The following ADGRB1 variants were observed in gnomAD, a reference collection of about 807,000 sequenced individuals.
ADGRB1 encodes brain-specific angiogenesis inhibitor 1.
ADGRB1 carries 36 observed loss-of-function variants against 175.7 expected under a neutral mutation model. That is an observed-to-expected ratio of 0.20 (90% CI 0.16 to 0.27). The LOEUF is 0.27. ADGRB1 is among the 10% of genes least tolerant of loss of function. The pLI is 1.00. For missense variants in ADGRB1, 1,731 were observed against 2,255.3 expected (o/e 0.77, Z 4.71); for synonymous variants, 1,054 against 979.4 (o/e 1.08, Z -1.42).
rs557619834 is a variant in ADGRB1, at chr8:142,505,102, A to G, written c.2676-5830A>G. Among the ~76,000 whole-genome samples the G allele has an allele frequency of 2.4e-4, 37 of 152,244 alleles. No individual in the cohort carries two copies. In the East Asian group the frequency reaches 6.8e-3, roughly 28 times the overall value. ...GGGCTCTTAGAGCGCCCTCCCCGTC[A>G]CTGTCCCCTTGTGTCCCATGAATGA... On this transcript the variant is annotated intron_variant, in intron 17 of 30. Transcript: ENST00000517894.
chr8:142,454,466 C>T (rs941863110), intron 1 of ADGRB1, among the ~76,000 whole-genome samples: 3 of 152,196 alleles, frequency 2.0e-5, no homozygotes, highest in African/African-American at 2.4e-5. Flanking sequence ...ACCCCCGCCC[C>T]GCGATGTGTG....
At position 142,537,957 on chromosome 8, in the gene ADGRB1, A is replaced by G. The variant is rs1323150202; in HGVS notation, c.3666+875A>G. Among the ~76,000 whole-genome samples, 2 of 152,012 alleles carry G rather than the reference A, an allele frequency of 1.3e-5. No homozygotes were observed. The highest frequency in any genetic ancestry group is 4.8e-5 in the African/African-American group (2 of 41,374). ...CACTAGACCTCCTGCTTCTGCACCCAGAGGCTAGCACACAGGGTGGAGCCA... is the reference window on the plus strand; with the variant it reads ...CACTAGACCTCCTGCTTCTGCACCCGGAGGCTAGCACACAGGGTGGAGCCA... On this transcript the variant is annotated intron_variant, in intron 26 of 30. Coordinates refer to ENST00000517894, the MANE Select transcript of ADGRB1 (RefSeq NM_001702.3). This position sits in a 1 kb window ranked among gnomAD's most constrained non-coding sequence, Gnocchi z 4.6.
At chr8:142,467,847 A>G (rs1840363296) in intron 2 of ADGRB1, among the ~76,000 whole-genome samples, 1 of 152,212 alleles carries the variant, frequency 6.6e-6, no homozygotes, top group African/African-American at 2.4e-5. Context: ...GATGAATGAG[A>G]ACTGGGGTGA....
chr8:142,489,174 C>A, intron 15 of ADGRB1, 64 bp downstream of exon 15: 1 of 1,551,388 alleles, frequency 6.4e-7, no homozygotes, highest in Non-Finnish European at 8.7e-7. Flanking sequence ...GGACCCCAGC[C>A]ACAGGATGTG....
chr8:142,524,348 C>A, intron 23 of ADGRB1, 44 bp downstream of exon 23: 1 of 1,537,240 alleles, frequency 6.5e-7, no homozygotes, highest in Middle Eastern at 2.0e-4. Flanking sequence ...CCCACCTGGG[C>A]CCCCCACCTG....
chr8:142,479,883 C>T (rs1315266994), intron 9 of ADGRB1, 89 bp downstream of exon 9: 19 of 1,380,942 alleles, frequency 1.4e-5, no homozygotes, highest in Admixed American at 1.0e-4. Flanking sequence ...CACTGGGAGG[C>T]GGCCCAGACA....
intron 17 of ADGRB1, among the ~76,000 whole-genome samples, chr8:142,496,168 C>T (rs917014535): frequency 1.7e-4 from 21 of 124,420 alleles, no homozygotes; most frequent in African/African-American, 5.7e-4. Context: ...TGGATGGGTG[C>T]GTGAATGACT....
At position 142,520,880 on chromosome 8, in the gene ADGRB1, C is replaced by T; in HGVS notation, c.2979C>T (p.Ser993=). 1 of 1,613,722 alleles carries T rather than the reference C, an allele frequency of 6.2e-7. No homozygotes were observed. Among genetic ancestry groups the T allele is most frequent in the Non-Finnish European group, 8.5e-7 (1 of 1,179,736 alleles). ...ILINFCLSII[S]SNALILIGQT... ...TCAACTTCTGCCTGTCCATCATCTCCTCCAATGCCCTCATCCTCATCGGGC... is the reference window on the plus strand; with the variant it reads ...TCAACTTCTGCCTGTCCATCATCTCTTCCAATGCCCTCATCCTCATCGGGC... The change falls in exon 20 of 31, where the codon TCC becomes TCT. Residue 993 remains serine (S), a synonymous_variant. Coordinates refer to ENST00000517894, the MANE Select transcript of ADGRB1 (RefSeq NM_001702.3).
intron 2 of ADGRB1, among the ~76,000 whole-genome samples, chr8:142,472,068 C>G (rs1840701653): frequency 6.6e-6 from 1 of 152,218 alleles, no homozygotes; most frequent in Non-Finnish European, 1.5e-5. Flanking sequence ...GCCCGACCTG[C>G]TGGAGTCGGG....
At chr8:142,496,536 G>A (rs1169129941) in intron 17 of ADGRB1, among the ~76,000 whole-genome samples, 1 of 152,202 alleles carries the variant, frequency 6.6e-6, no homozygotes, top group East Asian at 1.9e-4. Flanking sequence ...AGGTTCTGTG[G>A]TCCTGAAAGG....
At chr8:142,536,692 C>T (rs1844944324) in intron 25 of ADGRB1, among the ~76,000 whole-genome samples, 1 of 151,694 alleles carries the variant, frequency 6.6e-6, no homozygotes, top group Non-Finnish European at 1.5e-5. Context: ...CAGGTTCTCG[C>T]AGGCGGACTC....
At chr8:142,491,667 C>T (rs147601982) in intron 17 of ADGRB1, among the ~76,000 whole-genome samples, 129 of 152,324 alleles carry the variant, frequency 8.5e-4, no homozygotes, top group African/African-American at 2.8e-3. Context: ...CCGCCTCCTC[C>T]GAGCGTGTTC....
Position 142,534,358 on chromosome 8 carries a change from G to A in ADGRB1, c.3570+892G>A, listed in dbSNP as rs376081932. Among the ~76,000 whole-genome samples, 39 of 152,292 alleles carry A rather than the reference G, an allele frequency of 2.6e-4. 2 individuals are homozygous for A. The highest frequency in any genetic ancestry group is 1.6e-3 in the Admixed American group (25 of 15,310). On this transcript the variant is annotated intron_variant, in intron 25 of 30. Transcript: ENST00000517894. ...GCAGGGCTGCCCTCTTGGCCTCCGC[G>A]GCCTGGGCCTCACTCTCTGGGCAGA...
At chr8:142,526,511 CCCCACA>C in intron 23 of ADGRB1, 25 bp from the exon 24 acceptor site, 1 of 1,294,836 alleles carries the variant, frequency 7.7e-7, no homozygotes, top group Non-Finnish European at 1.1e-6. Flanking sequence ...CGGCCCCCAC[CCCCACA>C]CCCCCACCAC....
In ADGRB1 at chr8:142,537,340, G is replaced by A. The variant is rs1193210915; in HGVS notation, c.3666+258G>A. Among the ~76,000 whole-genome samples, 2 of 151,990 alleles carry A rather than the reference G, an allele frequency of 1.3e-5. No homozygotes were observed. Among genetic ancestry groups the A allele is most frequent in the African/African-American group, 2.4e-5 (1 of 41,362 alleles). ...TGGCATCCACCCCACACTCACCCCC[G>A]CTGGCAGCAGTGCCCGTCTGGCTGG... On this transcript the variant is annotated intron_variant, in intron 26 of 30. Transcript: ENST00000517894. This position sits in a 1 kb window ranked among gnomAD's most constrained non-coding sequence, Gnocchi z 4.6.
intron 18 of ADGRB1, among the ~76,000 whole-genome samples, chr8:142,512,887 C>T (rs1440961846): frequency 3.3e-5 from 5 of 152,066 alleles, no homozygotes; most frequent in African/African-American, 1.2e-4. Flanking sequence ...GGCCTTGATG[C>T]TGAGGGGCCT....
In ADGRB1 at chr8:142,541,097, CAG is replaced by C. The variant is rs1005716069; in HGVS notation, c.3707-843_3707-842del. Among the ~76,000 whole-genome samples, 38 of 151,804 alleles carry C rather than the reference CAG, an allele frequency of 2.5e-4. 1 individual carries two copies. Among genetic ancestry groups the C allele is most frequent in the South Asian group, 6.3e-4 (3 of 4,752 alleles). ...CTGCCAGCCTGCATGGGGCAGGACA[CAG>C]GGGGCAGGCCAGGCTTCCCAGGAAG... On this transcript the variant is annotated intron_variant, in intron 27 of 30. Transcript: ENST00000517894.
In ADGRB1 at chr8:142,455,864, G is replaced by A. The variant is rs946470137; in HGVS notation, c.-220+5760G>A. Reference sequence around the variant, plus strand: ...CCCTGGGGGCACACGGTTGGTCTTTGGGCCAGCACCTCTCTGAGGCTAAGT... The same window carrying A: ...CCCTGGGGGCACACGGTTGGTCTTTAGGCCAGCACCTCTCTGAGGCTAAGT... On this transcript the variant is annotated intron_variant, in intron 1 of 30. Transcript: ENST00000517894. This position sits in a 1 kb window ranked among gnomAD's most constrained non-coding sequence, Gnocchi z 4.9. Among the ~76,000 whole-genome samples, 1 of 152,196 alleles carries A rather than the reference G, an allele frequency of 6.6e-6. No homozygotes were observed. The highest frequency in any genetic ancestry group is 1.5e-5 in the Non-Finnish European group (1 of 68,020).
rs940932586 is a variant in ADGRB1, at chr8:142,464,675, G to C, written c.477G>C (p.Arg159=). The change falls in exon 2 of 31, where the codon CGG becomes CGC. Residue 159 remains arginine, a synonymous_variant. Coordinates refer to ENST00000517894, the MANE Select transcript of ADGRB1 (RefSeq NM_001702.3). ...QPPQHDGLRP[R]AGPPGPTDDF... ...CCCAGCACGACGGGCTCCGGCCCCG[G>C]GCCGGGCCGCCGGGCCCCACCGACG... The C allele has an allele frequency of 1.3e-6, 2 of 1,524,694 alleles. No individual in the cohort carries two copies. The highest frequency in any genetic ancestry group is 2.5e-5 in the East Asian group (1 of 39,734). 94.4% of individuals were successfully genotyped at this position (1,524,694 alleles called of 1,614,324 possible). A position where few individuals can be genotyped will look rare whatever the true frequency, so the allele number is the denominator to read the frequency against.
Sources: gnomAD v4.1 joint callset for allele counts (sites outside exome capture counted in the v4.1 genomes callset) on GRCh38, gnomAD v4.1.1 for gene constraint, Gnocchi (gnomAD v3.1) non-coding constraint, MANE v1.5 for transcripts, NCBI Gene and HGNC (gene_info 2026-07-23, HGNC 2026-07-21) for gene names.